The following WDR7 variants were observed in gnomAD, a reference collection of about 807,000 sequenced individuals.
WDR7 encodes the protein WD repeat domain 7, also known as WD repeat-containing protein 7.
In WDR7, 46 loss-of-function variants were observed where a neutral mutation model predicts 169.4. The ratio of observed to expected loss-of-function variants is 0.27; its 90% CI spans 0.21 to 0.35. The LOEUF (loss-of-function observed/expected upper bound fraction) is 0.35. Among genes scored for constraint, WDR7 ranks in the 10% least tolerant of loss-of-function variants. The probability of loss-of-function intolerance (pLI) is 1.00; values close to 1 mark genes in which losing one functional copy is unlikely to be tolerated. For missense variants in WDR7, 1,534 were observed against 1,859.3 expected (o/e 0.83, Z 3.22); for synonymous variants, 612 against 666.8 (o/e 0.92, Z 1.27).
chr18:56,770,540 G>A (rs2044138296), intron 16 of WDR7, among the ~76,000 whole-genome samples: 1 of 152,168 alleles, frequency 6.6e-6, no homozygotes, highest in Non-Finnish European at 1.5e-5. Flanking sequence ...TTTGATTTGA[G>A]TTATAGGCCA....
At chr18:56,996,508 A>G (rs2047900937) in intron 26 of WDR7, among the ~76,000 whole-genome samples, 1 of 152,238 alleles carries the variant, frequency 6.6e-6, no homozygotes, top group Non-Finnish European at 1.5e-5. Flanking sequence ...GGAAATGTAA[A>G]ATTTTTAGTA....
intron 14 of WDR7, among the ~76,000 whole-genome samples, chr18:56,753,532 G>A (rs1452695398): frequency 6.6e-6 from 1 of 152,150 alleles, no homozygotes. Flanking sequence ...GACATAAAAT[G>A]TTGTGGGAGT....
intron 13 of WDR7, among the ~76,000 whole-genome samples, chr18:56,731,103 G>A (rs1312917112): frequency 6.6e-6 from 1 of 152,118 alleles, no homozygotes; most frequent in Admixed American, 6.5e-5. Context: ...CATCTGGGAG[G>A]TAGAAAGAGT....
intron 22 of WDR7, among the ~76,000 whole-genome samples, chr18:56,935,359 CAGG>C (rs1312235359): frequency 2.0e-5 from 3 of 152,266 alleles, no homozygotes; most frequent in Admixed American, 6.5e-5. Context: ...ATTTTATAGA[CAGG>C]AGTGAATCTT....
downstream of WDR7, chr18:57,033,272 G>A (rs2048451965): frequency 6.6e-6 from 1 of 152,086 alleles, no homozygotes; most frequent in South Asian, 2.1e-4. Flanking sequence ...AAACATTTGG[G>A]CTAGGCCTTA....
chr18:57,004,412 A>G (rs558783176), intron 26 of WDR7, among the ~76,000 whole-genome samples: 58 of 152,278 alleles, frequency 3.8e-4, no homozygotes, highest in African/African-American at 1.4e-3. Flanking sequence ...TATAAATAGT[A>G]CTTAGGAGAT....
chr18:56,702,717 G>A (rs950997193), intron 12 of WDR7, among the ~76,000 whole-genome samples: 16 of 152,136 alleles, frequency 1.1e-4, no homozygotes, highest in African/African-American at 3.9e-4. Flanking sequence ...ACATGTATAG[G>A]TAGTAAAAAT....
At position 57,023,741 on chromosome 18, in the gene WDR7, C is replaced by T. The variant is rs1402807765; in HGVS notation, c.4269+2892C>T. 3.3e-5 allele frequency among the ~76,000 whole-genome samples: 5 copies of T among 152,282 alleles called. No individual in the cohort carries two copies. In the East Asian group the frequency reaches 9.6e-4, roughly 29 times the overall value. ...TTCTCTGTATCCATTGGCATTTGAG[C>T]AAGAGGAGGAGTTTAGTAATGAAAT... On this transcript the variant is annotated intron_variant, in intron 27 of 27. Transcript: ENST00000254442.
At chr18:56,674,831 C>T (rs2025210566) in intron 2 of WDR7, among the ~76,000 whole-genome samples, 1 of 152,040 alleles carries the variant, frequency 6.6e-6, no homozygotes, top group South Asian at 2.1e-4. Context: ...GTCTTCGATC[C>T]ATATTAGTTA....
intron 5 of WDR7, 59 bp downstream of exon 5, chr18:56,682,912 G>A: frequency 6.7e-7 from 1 of 1,484,178 alleles, no homozygotes; most frequent in Non-Finnish European, 9.2e-7. Context: ...TAGTTTACTA[G>A]AACATTCTAC....
chr18:57,003,648 T>C (rs1282820112), intron 26 of WDR7, among the ~76,000 whole-genome samples: 1 of 152,164 alleles, frequency 6.6e-6, no homozygotes, highest in East Asian at 1.9e-4. Flanking sequence ...ATGCAAAATG[T>C]AATGATTTGG....
intron 4 of WDR7, among the ~76,000 whole-genome samples, chr18:56,682,411 G>A (rs929081433): frequency 2.0e-5 from 3 of 152,044 alleles, no homozygotes; most frequent in African/African-American, 7.2e-5. Context: ...CAATTATCAC[G>A]AATTCTATTT....
intron 25 of WDR7, among the ~76,000 whole-genome samples, chr18:56,946,780 G>A (rs1006253308): frequency 2.6e-5 from 4 of 152,046 alleles, no homozygotes; most frequent in Non-Finnish European, 5.9e-5. Context: ...AAAAATCATT[G>A]TGAGAATATT....
chr18:56,793,779 T>C (rs1238822385), intron 19 of WDR7, among the ~76,000 whole-genome samples: 3 of 152,184 alleles, frequency 2.0e-5, no homozygotes, highest in African/African-American at 7.2e-5. Context: ...TCCTCTTATA[T>C]ATTTGGCCAG....
intron 26 of WDR7, among the ~76,000 whole-genome samples, chr18:56,966,693 C>T (rs1004208588): frequency 1.8e-4 from 27 of 152,138 alleles, no homozygotes; most frequent in African/African-American, 6.5e-4. Context: ...CCCCTGCATT[C>T]TTCAAGAGTC....
chr18:56,948,413 CAA>C (rs1188807579), intron 25 of WDR7, among the ~76,000 whole-genome samples: 4 of 138,808 alleles, frequency 2.9e-5, no homozygotes, highest in Non-Finnish European at 1.6e-5. Flanking sequence ...TTCACAGATT[CAA>C]AAAAAAAAAA....
At chr18:56,722,568 G>A (rs2026345474) in intron 13 of WDR7, among the ~76,000 whole-genome samples, 1 of 152,160 alleles carries the variant, frequency 6.6e-6, no homozygotes, top group African/African-American at 2.4e-5. Flanking sequence ...AAGAAAAAGA[G>A]GTAATTGACT....
At chr18:56,922,700 G>A (rs1303551606) in intron 21 of WDR7, among the ~76,000 whole-genome samples, 1 of 152,092 alleles carries the variant, frequency 6.6e-6, no homozygotes. Flanking sequence ...GATTCTTAAA[G>A]GGTTCCATGA....
rs2048112309 is a variant in WDR7, at chr18:57,009,776, A to G, written c.4165-10969A>G. ...AAAATGTTAAATACTTTTGAAACAT[A>G]ATTTCAAAAAATATAAATTCCCTAG... On this transcript the variant is annotated intron_variant, in intron 26 of 27. Coordinates refer to ENST00000254442, the MANE Select transcript of WDR7 (RefSeq NM_015285.3). 6 of 866,318 alleles carry G rather than the reference A, an allele frequency of 6.9e-6. No homozygotes were observed. The South Asian group carries it at 1.6e-4, about 23-fold the overall frequency. 53.7% of individuals were successfully genotyped at this position (866,318 alleles called of 1,614,324 possible). A position where few individuals can be genotyped will look rare whatever the true frequency, so the allele number is the denominator to read the frequency against.
Sources: allele counts gnomAD v4.1 joint callset (sites outside exome capture counted in the v4.1 genomes callset), GRCh38; gene constraint gnomAD v4.1.1; transcripts MANE v1.5; gene names NCBI Gene and HGNC (gene_info 2026-07-23, HGNC 2026-07-21).